Variants in ALG11 observed in about 807,000 individuals in gnomAD.
The protein encoded by ALG11 is ALG11 alpha-1,2-mannosyltransferase.
A neutral mutation model predicts 38.8 loss-of-function variants in ALG11; 26 were observed. That is an observed-to-expected ratio of 0.67 (90% confidence interval 0.49 to 0.93). ALG11 has a LOEUF of 0.93. ALG11 is among the 40% of genes least tolerant of loss of function. The pLI is 0.00. For synonymous variants in ALG11, 199 were observed against 211.6 expected (o/e 0.94, Z 0.52); for missense variants, 535 against 578.8 (o/e 0.92, Z 0.78).
chr13:52,023,935 C>T lies in ALG11; in HGVS notation c.276-71C>T. On this transcript the variant is annotated intron_variant, in intron 2 of 3. Transcript: ENST00000521508. ...TCAGCCTCCTGAGTAGCTGGGATTA[C>T]AGGTGCGTGCCACCGTGTCTGGCTA... The T allele has an allele frequency of 2.2e-6, 3 of 1,393,472 alleles. No individual in the cohort carries two copies. In the South Asian group the frequency reaches 3.5e-5, roughly 16 times the overall value. 86.3% of individuals were successfully genotyped at this position (1,393,472 alleles called of 1,614,324 possible). A position where few individuals can be genotyped will look rare whatever the true frequency, so the allele number is the denominator to read the frequency against.
chr13:52,013,179 A>T (rs1031043508), intron 1 of ALG11, among the ~76,000 whole-genome samples: 1 of 152,168 alleles, frequency 6.6e-6, no homozygotes, highest in Non-Finnish European at 1.5e-5. Context: ...TGTATTTTAA[A>T]TGCCTTGCCC....
In ALG11 at chr13:52,029,564, G is replaced by A. The variant is rs768912274; in HGVS notation, c.*974G>A. 6.2e-7 allele frequency: 1 copy of A among 1,614,208 alleles called. No homozygotes were observed. ...AATCAAAAGTAAAAAGTATCACAAA[G>A]TCGTGAAGAAAGGAAAGGCCAAGAA... On this transcript the variant is annotated 3_prime_UTR_variant, in exon 4 of 4. Transcript: ENST00000521508.
At chr13:52,025,837 C>A (rs1954235307) in intron 3 of ALG11, among the ~76,000 whole-genome samples, 2 of 152,234 alleles carry the variant, frequency 1.3e-5, no homozygotes, top group African/African-American at 2.4e-5. Flanking sequence ...ACTTCAATTT[C>A]TCTTATACTC....
Position 52,028,887 on chromosome 13 carries a change from G to C in ALG11, c.*297G>C, listed in dbSNP as rs886050314. The C allele has an allele frequency of 1.2e-6, 2 of 1,614,200 alleles. No individual in the cohort carries two copies. The highest frequency in any genetic ancestry group is 1.7e-6 in the Non-Finnish European group (2 of 1,180,034). ...GATTTGCCAAAAAACTACCCCTTGA[G>C]TGAAAATGAAGATGAGGGGGACAGT... On this transcript the variant is annotated 3_prime_UTR_variant, in exon 4 of 4. Coordinates refer to ENST00000521508, the MANE Select transcript of ALG11 (RefSeq NM_001004127.3).
chr13:52,033,374 ATTAT>A lies in ALG11; in HGVS notation c.*4788_*4791del, dbSNP rs1354274093. 2 of 167,082 alleles carry A rather than the reference ATTAT, an allele frequency of 1.2e-5. No homozygotes were observed. The highest frequency in any genetic ancestry group is 1.5e-5 in the Non-Finnish European group (1 of 68,116). 10.3% of individuals were successfully genotyped at this position (167,082 alleles called of 1,614,324 possible). A position where few individuals can be genotyped will look rare whatever the true frequency, so the allele number is the denominator to read the frequency against. The stretch of plus-strand genomic sequence containing the variant: ...TTTTGTGTAATAATTATTTGTAAAT[ATTAT>A]TTAGATTTGTATTTAGACATGATTT... On this transcript the variant is annotated 3_prime_UTR_variant, in exon 4 of 4. Transcript: ENST00000521508.
At position 52,024,942 on chromosome 13, in the gene ALG11, G is replaced by T; in HGVS notation, c.1207+5G>T. ...GGAACGAGCATTTTGGGATTGGTGA[G>T]TTTGGCCTTTAAACAACTTGTTTGG... On this transcript the variant is annotated splice_donor_5th_base_variant and intron_variant, in intron 3 of 3. Coordinates refer to ENST00000521508, the MANE Select transcript of ALG11 (RefSeq NM_001004127.3). 1 of 1,606,606 alleles carries T rather than the reference G, an allele frequency of 6.2e-7. No individual in the cohort carries two copies. The highest frequency in any genetic ancestry group is 1.7e-4 in the Middle Eastern group (1 of 6,060).
rs775647247 is a variant in ALG11, at chr13:52,024,680, T to C, written c.950T>C (p.Leu317Ser). The change falls in exon 3 of 4, where the codon TTG becomes TCG. Residue 317 changes from leucine to serine, a missense_variant. Coordinates refer to ENST00000521508, the MANE Select transcript of ALG11 (RefSeq NM_001004127.3). Reference protein sequence around the residue: ...GQFRPEKNHPLQIRAFAKLLN... With the variant: ...GQFRPEKNHPSQIRAFAKLLN... ...TTTAGGCCGGAAAAGAATCATCCAT[T>C]GCAGATCAGAGCCTTTGCTAAATTG... 1 of 1,614,220 alleles carries C rather than the reference T, an allele frequency of 6.2e-7. No individual in the cohort carries two copies. Among genetic ancestry groups the C allele is most frequent in the Admixed American group, 1.7e-5 (1 of 60,022 alleles).
At chr13:52,021,538 G>C (rs1173727148) in intron 2 of ALG11, 1 of 152,388 alleles carries the variant, frequency 6.6e-6, no homozygotes, top group East Asian at 1.9e-4. Context: ...GGGAAGGGAG[G>C]TGACAGAGGG....
intron 2 of ALG11, among the ~76,000 whole-genome samples, chr13:52,020,120 A>G (rs1334046364): frequency 6.6e-6 from 1 of 152,214 alleles, no homozygotes; most frequent in Non-Finnish European, 1.5e-5. Flanking sequence ...TGTGGCACAC[A>G]GGAATAATCT....
In ALG11 at chr13:52,030,433, G is replaced by C; in HGVS notation, c.*1843G>C. 6.2e-7 allele frequency: 1 copy of C among 1,614,218 alleles called. No homozygotes were observed. The highest frequency in any genetic ancestry group is 8.5e-7 in the Non-Finnish European group (1 of 1,180,052). On this transcript the variant is annotated 3_prime_UTR_variant, in exon 4 of 4. Transcript: ENST00000521508. ...AGTCAGAGAGGACCCCAAATAATCGGCCTGATGCCCCTAAGGAGAAGAAAG... is the reference window on the plus strand; with the variant it reads ...AGTCAGAGAGGACCCCAAATAATCGCCCTGATGCCCCTAAGGAGAAGAAAG...
At position 52,031,000 on chromosome 13, in the gene ALG11, A is replaced by C; in HGVS notation, c.*2410A>C. On this transcript the variant is annotated 3_prime_UTR_variant, in exon 4 of 4. Coordinates refer to ENST00000521508, the MANE Select transcript of ALG11 (RefSeq NM_001004127.3). ...CAGGCCATATCATTAAGCCCATAAAAGCAGAGGATGTGGGCTACCAGTCTT... is the reference window on the plus strand; with the variant it reads ...CAGGCCATATCATTAAGCCCATAAACGCAGAGGATGTGGGCTACCAGTCTT... 1 of 1,614,216 alleles carries C rather than the reference A, an allele frequency of 6.2e-7. No individual in the cohort carries two copies. The highest frequency in any genetic ancestry group is 8.5e-7 in the Non-Finnish European group (1 of 1,180,032).
rs915134237 is a variant in ALG11, at chr13:52,031,176, C to T, written c.*2586C>T. 23 of 1,525,824 alleles carry T rather than the reference C, an allele frequency of 1.5e-5. No individual in the cohort carries two copies. The East Asian group carries it at 2.3e-4, about 15-fold the overall frequency. The allele number at this position is 1,525,824 out of a possible 1,614,324, so 94.5% of individuals were successfully genotyped here. A position where few individuals can be genotyped will look rare whatever the true frequency, so the allele number is the denominator to read the frequency against. On this transcript the variant is annotated 3_prime_UTR_variant, in exon 4 of 4. Transcript: ENST00000521508. The stretch of plus-strand genomic sequence containing the variant: ...CCTTTGGTCCAGTTTTACTCTGCTA[C>T]AGGGTGGATTCCAAAACTGGCTCAG...
chr13:52,024,703 T>C lies in ALG11; in HGVS notation c.973T>C (p.Leu325=). ...HPLQIRAFAK[L]LNKKMVESPP... ...ATTGCAGATCAGAGCCTTTGCTAAA[T>C]TGCTGAATAAGAAGATGGTTGAGTC... is the stretch of plus-strand genomic sequence containing the variant. The change falls in exon 3 of 4, where the codon TTG becomes CTG. Residue 325 remains leucine (L), a synonymous_variant. Transcript: ENST00000521508. The C allele has an allele frequency of 6.2e-7, 1 of 1,614,222 alleles. No individual in the cohort carries two copies. The highest frequency in any genetic ancestry group is 1.1e-5 in the South Asian group (1 of 91,084).
In ALG11 at chr13:52,030,165, T is replaced by C; in HGVS notation, c.*1575T>C. 1 of 1,614,040 alleles carries C rather than the reference T, an allele frequency of 6.2e-7. No individual in the cohort carries two copies. Among genetic ancestry groups the C allele is most frequent in the Non-Finnish European group, 8.5e-7 (1 of 1,179,998 alleles). ...ACAAAAGATTCTAGCAGCCAGGAGGTGCTGTCCGAATTGAGGGCACTATCT... is the reference window on the plus strand; with the variant it reads ...ACAAAAGATTCTAGCAGCCAGGAGGCGCTGTCCGAATTGAGGGCACTATCT... On this transcript the variant is annotated 3_prime_UTR_variant, in exon 4 of 4. Transcript: ENST00000521508.
rs761198692 is a variant in ALG11, at chr13:52,012,446, C to A, written c.28C>A (p.Leu10Met). 8.1e-6 allele frequency: 13 copies of A among 1,613,992 alleles called. No individual in the cohort carries two copies. The highest frequency in any genetic ancestry group is 1.1e-5 in the South Asian group (1 of 91,036). ...GGCGGCCGGCGAAAGGAGCTGGTGC[C>A]TGTGCAAGTTGTTGAGGTGAGCAGC... is the stretch of plus-strand genomic sequence containing the variant. MAAGERSWC[L>M]CKLLRFFYSL... The change falls in exon 1 of 4, where the codon CTG becomes ATG. Residue 10 changes from leucine (L) to methionine (M), a missense_variant. Leu to Met is a conservative substitution (Grantham distance 15). Coordinates refer to ENST00000521508, the MANE Select transcript of ALG11 (RefSeq NM_001004127.3).
chr13:52,029,769 T>C lies in ALG11; in HGVS notation c.*1179T>C, dbSNP rs757038034. ...TATGACCTGGAGGCTCGCCAAGCTA[T>C]GCAGGAACAGTTGGCCAAGAACAAA... On this transcript the variant is annotated 3_prime_UTR_variant, in exon 4 of 4. Coordinates refer to ENST00000521508, the MANE Select transcript of ALG11 (RefSeq NM_001004127.3). The C allele has an allele frequency of 6.2e-6, 10 of 1,614,066 alleles. No homozygotes were observed. The highest frequency in any genetic ancestry group is 7.6e-6 in the Non-Finnish European group (9 of 1,180,030).
At chr13:52,021,722 A>G (rs1290095154) in intron 2 of ALG11, 3 of 152,354 alleles carry the variant, frequency 2.0e-5, no homozygotes, top group Non-Finnish European at 4.4e-5. Context: ...GGCTGGAGGC[A>G]TCTGAAGCCT....
At chr13:52,028,070 G>A (rs971761255) in intron 3 of ALG11, among the ~76,000 whole-genome samples, 1 of 151,814 alleles carries the variant, frequency 6.6e-6, no homozygotes, top group African/African-American at 2.4e-5. Flanking sequence ...GCCAGCCTGG[G>A]CAACATAGTG....
chr13:52,020,586 C>T (rs2140834543), intron 2 of ALG11: 1 of 152,368 alleles, frequency 6.6e-6, no homozygotes, highest in Non-Finnish European at 1.5e-5. Context: ...ACCAGATTAT[C>T]TACCTCTTGA....
Sources: gnomAD v4.1 joint callset for allele counts (sites outside exome capture counted in the v4.1 genomes callset) on GRCh38, gnomAD v4.1.1 for gene constraint, MANE v1.5 for transcripts, NCBI Gene and HGNC (gene_info 2026-07-23, HGNC 2026-07-21) for gene names.